The following LTBP4 variants were observed in gnomAD, a reference collection of about 807,000 sequenced individuals.
The protein encoded by LTBP4 is latent transforming growth factor beta binding protein 4.
A neutral mutation model predicts 180.2 loss-of-function variants in LTBP4; 93 were observed. The observed-to-expected ratio is 0.52, with a 90% confidence interval of 0.44 to 0.61. LTBP4 has a LOEUF of 0.61. Ranked by LOEUF, LTBP4 falls within the 20% of genes least tolerant of loss-of-function variation. The pLI is 0.00. For synonymous variants in LTBP4, 947 were observed against 934.5 expected (o/e 1.01, Z -0.24); for missense variants, 2,116 against 2,256.5 (o/e 0.94, Z 1.26).
rs950904275 is a variant in LTBP4, at chr19:40,616,301, G to GA, written c.2813-580dup. ...AGAGCAAGACCCCATTTAAAAAAAA[G>GA]AAAAAAAAGCTGGATGGGGTGGCTC... is the stretch of plus-strand genomic sequence containing the variant. On this transcript the variant is annotated intron_variant, in intron 19 of 29. Coordinates refer to ENST00000396819, the MANE Select transcript of LTBP4 (RefSeq NM_001042545.2). Among the ~76,000 whole-genome samples, 10 of 144,838 alleles carry GA rather than the reference G, an allele frequency of 6.9e-5. 1 individual carries two copies. The highest frequency in any genetic ancestry group is 2.6e-4 in the African/African-American group (10 of 38,090).
In LTBP4 at chr19:40,613,026, C is replaced by T. The variant is rs747330133; in HGVS notation, c.2300-39C>T. ...CCAAGGGGATTGGTCGGGTGTGTCC[C>T]GAGACTGGACCCTTTCTGAACACCC... is the stretch of plus-strand genomic sequence containing the variant. On this transcript the variant is annotated intron_variant, in intron 15 of 29. Transcript: ENST00000396819. This position sits in a 1 kb window ranked among gnomAD's most constrained non-coding sequence, Gnocchi z 5.0. The T allele has an allele frequency of 1.1e-5, 17 of 1,601,594 alleles. No individual in the cohort carries two copies. The East Asian group carries it at 1.1e-4, about 11-fold the overall frequency.
chr19:40,616,241 C>T (rs1476275476), intron 19 of LTBP4, among the ~76,000 whole-genome samples: 2 of 150,036 alleles, frequency 1.3e-5, no homozygotes, highest in Non-Finnish European at 2.9e-5. Flanking sequence ...CTCCAGTGAG[C>T]CATGATCCTG....
upstream of LTBP4, among the ~76,000 whole-genome samples, chr19:40,598,831 G>A (rs1342256224): frequency 6.6e-6 from 1 of 152,180 alleles, no homozygotes; most frequent in Non-Finnish European, 1.5e-5. Context: ...GGGAGGGCGG[G>A]GTTCTAGATT....
At position 40,613,932 on chromosome 19, in the gene LTBP4, C is replaced by A; in HGVS notation, c.2574C>A (p.Ser858Arg). 6.2e-7 allele frequency: 1 copy of A among 1,613,612 alleles called. No individual in the cohort carries two copies. The highest frequency in any genetic ancestry group is 2.2e-5 in the East Asian group (1 of 44,852). The change falls in exon 18 of 30, where the codon AGC becomes AGA. Residue 858 changes from serine (S) to arginine (R), a missense_variant. Transcript: ENST00000396819. This position sits in a 1 kb window ranked among gnomAD's most constrained non-coding sequence, Gnocchi z 5.0. ...GTCCCGCAGACGTTGACGAGTGCAG[C>A]GAGGAGGACCTTTGCCAGAGCGGCA... The part of the protein sequence containing the change: ...GASCLDVDEC[S>R]EEDLCQSGIC...
At chr19:40,626,134 A>G (rs752260985) in intron 27 of LTBP4, 125 bp downstream of exon 27, 30 of 1,075,802 alleles carry the variant, frequency 2.8e-5, no homozygotes, top group African/African-American at 8.3e-5. Context: ...ACCAACCCCT[A>G]TGTCGCAGCC....
intron 19 of LTBP4, 132 bp downstream of exon 19, chr19:40,614,578 C>G: frequency 8.3e-7 from 1 of 1,212,088 alleles, no homozygotes. Flanking sequence ...CACCGTATCT[C>G]TGTAGTGGAA....
Position 40,611,445 on chromosome 19 carries a change from G to A in LTBP4, c.2053+51G>A. On this transcript the variant is annotated intron_variant, in intron 13 of 29. Transcript: ENST00000396819. The surrounding 1 kb of genome is among the most constrained non-coding windows in gnomAD (Gnocchi z 4.4). Reference sequence around the variant, plus strand: ...TCCATCACTGTTTGCTGTGGAGACTGGAGAGAGATTATTGAGGGGCAGAGA... The same window carrying A: ...TCCATCACTGTTTGCTGTGGAGACTAGAGAGAGATTATTGAGGGGCAGAGA... 6.4e-7 allele frequency: 1 copy of A among 1,559,992 alleles called. No homozygotes were observed. Among genetic ancestry groups the A allele is most frequent in the Admixed American group, 1.8e-5 (1 of 56,380 alleles).
At chr19:40,617,643 C>CAAAA (rs56053315) in intron 21 of LTBP4, among the ~76,000 whole-genome samples, 178 of 118,750 alleles carry the variant, frequency 1.5e-3, no homozygotes, top group African/African-American at 4.8e-3. Context: ...GACCCTGTCT[C>CAAAA]AAAAAAAAAA....
chr19:40,601,688 T>A (rs2081425408), intron 1 of LTBP4, 51 bp downstream of exon 1: 21 of 1,256,966 alleles, frequency 1.7e-5, no homozygotes, highest in Non-Finnish European at 2.1e-5. Flanking sequence ...GGGAGGAGGA[T>A]CCCTGGGGAT....
At chr19:40,616,418 C>T (rs1299239071) in intron 19 of LTBP4, among the ~76,000 whole-genome samples, 1 of 151,622 alleles carries the variant, frequency 6.6e-6, no homozygotes, top group African/African-American at 2.4e-5. Context: ...TGATGAAACC[C>T]CATCTCTACT....
chr19:40,620,121 G>A (rs1469987811), intron 22 of LTBP4, among the ~76,000 whole-genome samples: 1 of 152,174 alleles, frequency 6.6e-6, no homozygotes, highest in East Asian at 1.9e-4. Context: ...AGCAAAGGAA[G>A]GGGTAGGGAG....
At position 40,613,126 on chromosome 19, in the gene LTBP4, C is replaced by T. The variant is rs1267045182; in HGVS notation, c.2361C>T (p.Thr787=). The T allele has an allele frequency of 2.5e-6, 4 of 1,605,052 alleles. No homozygotes were observed. The highest frequency in any genetic ancestry group is 1.7e-5 in the Admixed American group (1 of 58,860). ...PCGPHGHCTN[T]EGSFRCSCAP... is the part of the protein sequence containing the mutation. ...GTCCCCACGGCCACTGCACTAACAC[C>T]GAAGGCTCCTTCCGCTGCAGCTGCG... Residue 787 remains threonine, a synonymous_variant, in exon 16 of 30, where the codon ACC becomes ACT. Transcript: ENST00000396819. The surrounding 1 kb of genome is among the most constrained non-coding windows in gnomAD (Gnocchi z 5.0).
chr19:40,597,600 CT>C (rs1288353789), upstream of LTBP4, among the ~76,000 whole-genome samples: 1 of 151,622 alleles, frequency 6.6e-6, no homozygotes, highest in Non-Finnish European at 1.5e-5. Flanking sequence ...GTGGAGAAGG[CT>C]AAGTCTCCAG....
In LTBP4 at chr19:40,614,011, G is replaced by T; in HGVS notation, c.2653G>T (p.Ala885Ser). The T allele has an allele frequency of 1.9e-6, 3 of 1,613,138 alleles. No individual in the cohort carries two copies. The highest frequency in any genetic ancestry group is 2.5e-6 in the Non-Finnish European group (3 of 1,179,726). The change falls in exon 18 of 30, where the codon GCT (alanine) becomes TCT (serine). Residue 885 changes from alanine to serine, a missense_variant. Around this residue, in one of 5 missense-constraint regions of LTBP4, gnomAD observed 877 missense variants for 873.6 expected, o/e 1.00. Coordinates refer to ENST00000396819, the MANE Select transcript of LTBP4 (RefSeq NM_001042545.2). Reference sequence around the variant, plus strand: ...GTGCATCTGTCCTCCGGGACACCGCGCTGGCCCGGACCTCGCCTCCTGCCT... The same window carrying T: ...GTGCATCTGTCCTCCGGGACACCGCTCTGGCCCGGACCTCGCCTCCTGCCT... ...FECICPPGHRAGPDLASCLDV... is the reference protein window; with the variant it reads ...FECICPPGHRSGPDLASCLDV...
At position 40,629,514 on chromosome 19, in the gene LTBP4, G is replaced by T; in HGVS notation, c.4638G>T (p.Gln1546His). ...GCCCGGGATTCGCACCCACGCACCA[G>T]CCGCACCACTGTGCGCCCGCACGGC... Reference protein sequence around the residue: ...ICRPGFAPTHQPHHCAPARPR... With the variant: ...ICRPGFAPTHHPHHCAPARPR... The change falls in exon 30 of 30, where the codon CAG becomes CAT. Residue 1546 changes from glutamine to histidine, a missense_variant. This residue lies in a region of LTBP4 where 488 missense variants were observed against 458.8 expected (regional missense o/e 1.06). Transcript: ENST00000396819. The surrounding 1 kb of genome is among the most constrained non-coding windows in gnomAD (Gnocchi z 4.5). 6.3e-7 allele frequency: 1 copy of T among 1,592,944 alleles called. No homozygotes were observed.
At chr19:40,597,376 G>A (rs1343324233), upstream of LTBP4, 6 of 1,513,914 alleles carry the variant, frequency 4.0e-6, no homozygotes, top group Admixed American at 2.0e-5. Context: ...CAGCCGCCCG[G>A]CCAGGTAAGC....
At chr19:40,604,401 A>G (rs1477443544) in intron 1 of LTBP4, among the ~76,000 whole-genome samples, 1 of 151,970 alleles carries the variant, frequency 6.6e-6, no homozygotes, top group Non-Finnish European at 1.5e-5. Context: ...GGTTTGAGTC[A>G]ATGGAAGGGA....
intron 6 of LTBP4, among the ~76,000 whole-genome samples, chr19:40,607,026 C>T (rs796938158): frequency 1.6e-4 from 24 of 152,350 alleles, no homozygotes; most frequent in African/African-American, 5.8e-4. Flanking sequence ...GCTGGGATTA[C>T]AGGCGTAAGC....
intron 1 of LTBP4, among the ~76,000 whole-genome samples, chr19:40,594,072 A>G (rs1261064291): frequency 2.7e-5 from 4 of 150,430 alleles, no homozygotes; most frequent in African/African-American, 9.7e-5. Context: ...TGCTGGGATT[A>G]CAGACGTGAG....
Sources: gnomAD v4.1 joint callset for allele counts (sites outside exome capture counted in the v4.1 genomes callset) on GRCh38, gnomAD v4.1.1 for gene constraint, gnomAD v4.1.1 regional missense constraint, Gnocchi (gnomAD v3.1) non-coding constraint, MANE v1.5 for transcripts, NCBI Gene and HGNC (gene_info 2026-07-23, HGNC 2026-07-21) for gene names.